The following CLCN3 variants were observed in gnomAD, a reference collection of about 807,000 sequenced individuals.
The protein encoded by CLCN3 is H(+)/Cl(-) exchange transporter 3.
In CLCN3, 16 loss-of-function variants were observed where a neutral mutation model predicts 83.4. That is an observed-to-expected ratio of 0.19 (90% CI 0.13 to 0.29). The LOEUF (loss-of-function observed/expected upper bound fraction) is 0.29. CLCN3 is among the 10% of genes least tolerant of loss of function. The pLI, the probability that CLCN3 is intolerant of heterozygous loss-of-function variation, is 1.00. For missense variants in CLCN3, 544 were observed against 1,006.0 expected, an observed-to-expected ratio of 0.54 and a Z score of 6.21; for synonymous variants, 322 against 346.2, an observed-to-expected ratio of 0.93 and a Z score of 0.78.
intron 7 of CLCN3, among the ~76,000 whole-genome samples, chr4:169,693,179 C>T (rs866599482): frequency 6.6e-6 from 1 of 152,096 alleles, no homozygotes; most frequent in Admixed American, 6.6e-5. Context: ...AATATTTTAT[C>T]AAACTGTTTA....
rs1164680895 is a variant in CLCN3 at position 169,721,926 on chromosome 4, C to T, written c.*1929C>T. ...TGACCACCTGGGCTCAAGTGATACT[C>T]CCGCCTCAGCCACCCAAGTAGCTGG... On this transcript the variant is annotated 3_prime_UTR_variant, in exon 13 of 13. Transcript: ENST00000513761. The T allele has an allele frequency of 2.0e-5, 3 of 152,120 alleles. No individual in the cohort carries two copies. The highest frequency in any genetic ancestry group is 7.2e-5 in the African/African-American group (3 of 41,398). 9.4% of individuals were successfully genotyped at this position (152,120 alleles called of 1,614,324 possible). A position where few individuals can be genotyped will look rare whatever the true frequency, so the allele number is the denominator to read the frequency against.
intron 1 of CLCN3, among the ~76,000 whole-genome samples, chr4:169,631,983 C>T (rs575523431): frequency 6.6e-6 from 1 of 152,036 alleles, no homozygotes; most frequent in South Asian, 2.1e-4. Context: ...TGAATTCTAT[C>T]AGATGTACAA....
In CLCN3 at chr4:169,721,163, A is replaced by G. The variant is rs1255263973; in HGVS notation, c.*1166A>G. The G allele has an allele frequency of 6.6e-6, 1 of 152,202 alleles. No individual in the cohort carries two copies. The highest frequency in any genetic ancestry group is 1.5e-5 in the Non-Finnish European group (1 of 68,040). The allele number at this position is 152,202 out of a possible 1,614,324, so 9.4% of individuals were successfully genotyped here. A position where few individuals can be genotyped will look rare whatever the true frequency, so the allele number is the denominator to read the frequency against. The stretch of plus-strand genomic sequence containing the variant: ...CACTAAATGTATATTTTTTTTCTTA[A>G]AAATTTACCATTCTTATTTATATTT... On this transcript the variant is annotated 3_prime_UTR_variant, in exon 13 of 13. Transcript: ENST00000513761.
At chr4:169,662,936 G>A (rs1731105528) in intron 2 of CLCN3, among the ~76,000 whole-genome samples, 1 of 152,038 alleles carries the variant, frequency 6.6e-6, no homozygotes, top group African/African-American at 2.4e-5. Flanking sequence ...GGCTTATCTG[G>A]ACTGTTAGTT....
intron 2 of CLCN3, chr4:169,662,626 C>T (rs1471263777): frequency 1.3e-5 from 2 of 152,094 alleles, no homozygotes; most frequent in Non-Finnish European, 2.9e-5. Context: ...ATAAAGTAAA[C>T]ATGGATCTGT....
At chr4:169,695,513 C>T in intron 7 of CLCN3, 99 bp from the exon 8 acceptor site, 1 of 856,340 alleles carries the variant, frequency 1.2e-6, no homozygotes, top group Non-Finnish European at 1.9e-6. Flanking sequence ...AAGTTAAATT[C>T]AGAAAATCCA....
intron 10 of CLCN3, among the ~76,000 whole-genome samples, chr4:169,705,798 A>G (rs1732965987): frequency 6.6e-6 from 1 of 152,180 alleles, no homozygotes; most frequent in East Asian, 1.9e-4. Flanking sequence ...TACTTAGGAA[A>G]GATTAACAAG....
intron 2 of CLCN3, among the ~76,000 whole-genome samples, chr4:169,667,000 A>T (rs1487804329): frequency 6.6e-6 from 1 of 152,210 alleles, no homozygotes; most frequent in Non-Finnish European, 1.5e-5. Flanking sequence ...CATGGGAAAG[A>T]TTATTTTAAT....
At chr4:169,632,716 CAAAAAAAAAAAAAAAAA>C (rs559919032) in intron 1 of CLCN3, among the ~76,000 whole-genome samples, 23 of 32,298 alleles carry the variant, frequency 7.1e-4, no homozygotes, top group Admixed American at 1.9e-3. Flanking sequence ...GACTCCATCT[CAAAAAAAAAAAAAAAAA>C]AAAAAAAAAG....
chr4:169,623,649 C>G (rs1773161355), intron 1 of CLCN3, among the ~76,000 whole-genome samples: 1 of 152,006 alleles, frequency 6.6e-6, no homozygotes, highest in Non-Finnish European at 1.5e-5. Context: ...TTTGACTAAC[C>G]TCTCTCCTTT....
chr4:169,715,502 T>TC (rs1313405725), intron 12 of CLCN3, among the ~76,000 whole-genome samples: 1 of 152,126 alleles, frequency 6.6e-6, no homozygotes, highest in African/African-American at 2.4e-5. Flanking sequence ...GTGTTTTTTT[T>TC]CTCACTTAAA....
intron 12 of CLCN3, among the ~76,000 whole-genome samples, chr4:169,718,146 T>G (rs1028363515): frequency 1.3e-5 from 2 of 152,200 alleles, no homozygotes; most frequent in Non-Finnish European, 2.9e-5. Flanking sequence ...TAAGTGAATA[T>G]TATTGGACAT....
At chr4:169,647,738 C>T (rs760420703) in intron 2 of CLCN3, among the ~76,000 whole-genome samples, 1 of 152,176 alleles carries the variant, frequency 6.6e-6, no homozygotes. Context: ...AGAGACAAAT[C>T]TCCCATCAAA....
At chr4:169,664,135 T>A (rs1370736425) in intron 2 of CLCN3, among the ~76,000 whole-genome samples, 1 of 152,148 alleles carries the variant, frequency 6.6e-6, no homozygotes, top group Non-Finnish European at 1.5e-5. Flanking sequence ...AAAGGCAGCT[T>A]TGTTGTGAGT....
At chr4:169,648,919 C>T (rs1011801781) in intron 2 of CLCN3, among the ~76,000 whole-genome samples, 5 of 151,450 alleles carry the variant, frequency 3.3e-5, no homozygotes, top group African/African-American at 4.9e-5. Flanking sequence ...CCCAGCTACT[C>T]GGGAGACTGA....
chr4:169,647,283 A>G (rs976496816), intron 2 of CLCN3, among the ~76,000 whole-genome samples: 2 of 152,092 alleles, frequency 1.3e-5, no homozygotes, highest in Admixed American at 6.6e-5. Flanking sequence ...CTCAATATGC[A>G]GGAGGCTGAG....
At chr4:169,672,276 A>G (rs796119360) in intron 2 of CLCN3, among the ~76,000 whole-genome samples, 5 of 137,758 alleles carry the variant, frequency 3.6e-5, no homozygotes, top group African/African-American at 1.3e-4. Context: ...AGGATCTGGG[A>G]CTACAGACGT....
chr4:169,652,764 C>T (rs1730765438), intron 2 of CLCN3, among the ~76,000 whole-genome samples: 1 of 152,158 alleles, frequency 6.6e-6, no homozygotes, highest in Non-Finnish European at 1.5e-5. Flanking sequence ...TCACTAACCA[C>T]TTGATATTGT....
At chr4:169,626,555 G>A (rs1472032618) in intron 1 of CLCN3, among the ~76,000 whole-genome samples, 2 of 152,244 alleles carry the variant, frequency 1.3e-5, no homozygotes, top group Non-Finnish European at 2.9e-5. Context: ...AAGGTCTTAT[G>A]ACCCACAGTC....
Sources: allele counts gnomAD v4.1 joint callset (sites outside exome capture counted in the v4.1 genomes callset), GRCh38; gene constraint gnomAD v4.1.1; transcripts MANE v1.5; gene names NCBI Gene and HGNC (gene_info 2026-07-23, HGNC 2026-07-21).